Variants in CFAP54 observed in about 807,000 individuals in gnomAD.
CFAP54 encodes cilia- and flagella-associated protein 54.
In CFAP54, 290 loss-of-function variants were observed where a neutral mutation model predicts 370.4. The ratio of observed to expected loss-of-function variants is 0.78; its 90% confidence interval spans 0.71 to 0.86. The LOEUF (loss-of-function observed/expected upper bound fraction) is 0.86. Among genes scored for constraint, CFAP54 ranks in the 40% least tolerant of loss-of-function variants. The probability of loss-of-function intolerance (pLI) is 0.00; values close to 1 mark genes in which losing one functional copy is unlikely to be tolerated. For missense variants in CFAP54, 3,399 were observed against 3,528.7 expected (o/e 0.96, Z 0.93); for synonymous variants, 1,206 against 1,236.5 (o/e 0.98, Z 0.52).
At chr12:96,639,335 T>C (rs1956698617) in intron 32 of CFAP54, among the ~76,000 whole-genome samples, 1 of 152,192 alleles carries the variant, frequency 6.6e-6, no homozygotes, top group South Asian at 2.1e-4. Flanking sequence ...CTAGAATAAA[T>C]GGATAAATTC....
chr12:96,515,256 G>T (rs1344314716), intron 5 of CFAP54, among the ~76,000 whole-genome samples: 1 of 151,834 alleles, frequency 6.6e-6, no homozygotes, highest in South Asian at 2.1e-4. Flanking sequence ...TGATCTTCCC[G>T]CCTCAAGCCT....
intron 66 of CFAP54, among the ~76,000 whole-genome samples, chr12:96,838,440 A>T (rs940417389): frequency 6.6e-6 from 1 of 152,182 alleles, no homozygotes; most frequent in Non-Finnish European, 1.5e-5. Flanking sequence ...GGTAATTTAT[A>T]AAGAAAAAAG....
chr12:96,649,869 ATATCT>A lies in CFAP54; in HGVS notation c.4691-18_4691-14del, dbSNP rs1956838017. The A allele has an allele frequency of 6.7e-7, 1 of 1,502,058 alleles. No homozygotes were observed. Among genetic ancestry groups the A allele is most frequent in the Non-Finnish European group, 9.1e-7 (1 of 1,099,048 alleles). 93.0% of individuals were successfully genotyped at this position (1,502,058 alleles called of 1,614,324 possible). A position where few individuals can be genotyped will look rare whatever the true frequency, so the allele number is the denominator to read the frequency against. On this transcript the variant is annotated splice_polypyrimidine_tract_variant and intron_variant, in intron 34 of 67. Coordinates refer to ENST00000524981, the MANE Select transcript of CFAP54 (RefSeq NM_001306084.2). ...TTAATTCTATGTTTTTAATCATGTC[ATATCT>A]TATTTTTGTACTGTAGATGCTGAAG...
chr12:96,771,128 A>C (rs1174118442), intron 60 of CFAP54, among the ~76,000 whole-genome samples: 1 of 152,228 alleles, frequency 6.6e-6, no homozygotes, highest in African/African-American at 2.4e-5. Context: ...CCTGAACCTG[A>C]GGACTTCACT....
chr12:96,549,011 C>T (rs1039211577), intron 15 of CFAP54, among the ~76,000 whole-genome samples: 37 of 152,166 alleles, frequency 2.4e-4, no homozygotes, highest in African/African-American at 8.9e-4. Flanking sequence ...TGTGCCACCA[C>T]ACCCAGCTAA....
At chr12:96,874,274 A>G (rs1370022249) in intron 67 of CFAP54, among the ~76,000 whole-genome samples, 2 of 152,156 alleles carry the variant, frequency 1.3e-5, no homozygotes, top group African/African-American at 4.8e-5. Flanking sequence ...TGGTATTTCA[A>G]TGTTTTTTAC....
intron 9 of CFAP54, 95 bp downstream of exon 9, chr12:96,527,539 C>T: frequency 1.5e-6 from 1 of 664,278 alleles, no homozygotes; most frequent in Non-Finnish European, 2.2e-6. Context: ...AAACTGATAA[C>T]ATTTATATTG....
At chr12:96,588,297 G>A (rs1292848954) in intron 22 of CFAP54, among the ~76,000 whole-genome samples, 1 of 151,928 alleles carries the variant, frequency 6.6e-6, no homozygotes, top group African/African-American at 2.4e-5. Flanking sequence ...TAACTGTGCT[G>A]ATCTGAATCT....
At chr12:96,495,756 C>T (rs1302700993) in intron 1 of CFAP54, among the ~76,000 whole-genome samples, 1 of 151,986 alleles carries the variant, frequency 6.6e-6, no homozygotes, top group African/African-American at 2.4e-5. Context: ...GTAAGCTATT[C>T]CCAATGAGCA....
chr12:96,643,395 G>A (rs902525218), intron 32 of CFAP54, among the ~76,000 whole-genome samples: 2 of 4,788 alleles, frequency 4.2e-4, no homozygotes. Context: ...TTGTATGTGT[G>A]TATGTGTGTG....
At chr12:96,823,010 T>TATA (rs1423316243) in intron 65 of CFAP54, among the ~76,000 whole-genome samples, 5 of 152,222 alleles carry the variant, frequency 3.3e-5, no homozygotes, top group Non-Finnish European at 7.3e-5. Context: ...TTCTGCACTG[T>TATA]ATAGACAGGT....
chr12:96,771,873 A>G (rs1189469506), intron 60 of CFAP54, among the ~76,000 whole-genome samples: 1 of 152,202 alleles, frequency 6.6e-6, no homozygotes, highest in Non-Finnish European at 1.5e-5. Context: ...ATCTTCCCCA[A>G]TTCTTCTGAA....
intron 62 of CFAP54, among the ~76,000 whole-genome samples, chr12:96,791,143 G>A (rs1457338078): frequency 6.7e-6 from 1 of 149,596 alleles, no homozygotes; most frequent in Non-Finnish European, 1.5e-5. Context: ...GGTATAACAA[G>A]AAGTTAATAT....
intron 22 of CFAP54, among the ~76,000 whole-genome samples, chr12:96,586,784 G>A (rs1361057806): frequency 6.6e-6 from 1 of 152,114 alleles, no homozygotes; most frequent in Non-Finnish European, 1.5e-5. Context: ...GACAGCGATT[G>A]GACAGTTTGG....
intron 20 of CFAP54, among the ~76,000 whole-genome samples, 189 bp from the exon 21 acceptor site, chr12:96,580,402 ATCTTAG>A (rs1592861574): frequency 6.6e-6 from 1 of 152,288 alleles, no homozygotes; most frequent in East Asian, 1.9e-4. Flanking sequence ...AATGAATAAT[ATCTTAG>A]TCTTAATTGC....
At chr12:96,730,605 AT>A (rs1403169822) in intron 50 of CFAP54, among the ~76,000 whole-genome samples, 13 of 152,162 alleles carry the variant, frequency 8.5e-5, no homozygotes, top group African/African-American at 2.2e-4. Context: ...GATGAAAAAT[AT>A]TTTTTTCTCT....
chr12:96,681,728 G>C (rs1250703563), intron 40 of CFAP54, among the ~76,000 whole-genome samples: 2 of 151,966 alleles, frequency 1.3e-5, no homozygotes, highest in Non-Finnish European at 2.9e-5. Context: ...TCAGCCTCCC[G>C]AGTAGCTGGG....
At chr12:96,729,405 T>G (rs1001424017) in intron 50 of CFAP54, among the ~76,000 whole-genome samples, 173 of 152,314 alleles carry the variant, frequency 1.1e-3, no homozygotes, top group Non-Finnish European at 1.8e-3. Flanking sequence ...TCCCCCAGCC[T>G]CGCTTCTGCC....
chr12:96,862,361 C>T (rs991331225), intron 67 of CFAP54, among the ~76,000 whole-genome samples: 3 of 152,148 alleles, frequency 2.0e-5, no homozygotes, highest in African/African-American at 4.8e-5. Flanking sequence ...CTGTGACCTA[C>T]CTGGAGTGTG....
Sources: allele counts gnomAD v4.1 joint callset (sites outside exome capture counted in the v4.1 genomes callset), GRCh38; gene constraint gnomAD v4.1.1; transcripts MANE v1.5; gene names NCBI Gene and HGNC (gene_info 2026-07-23, HGNC 2026-07-21).